RGSL1: variants seen among roughly 807,000 people sequenced by gnomAD.
RGSL1 encodes the protein regulator of G protein signaling like 1.
Under a neutral mutation model 124.7 loss-of-function variants are expected in RGSL1, and 97 were observed. The observed-to-expected ratio is 0.78, with a 90% confidence interval of 0.66 to 0.92. The LOEUF is 0.92. RGSL1 is among the 40% of genes least tolerant of loss of function. The pLI is 0.00. For synonymous variants in RGSL1, 424 were observed against 438.1 expected (o/e 0.97, Z 0.40); for missense variants, 1,233 against 1,288.4 (o/e 0.96, Z 0.66).
At chr1:182,554,927 AC>A (rs1170349705) in intron 20 of RGSL1, 1 of 530,738 alleles carries the variant, frequency 1.9e-6, no homozygotes, top group Non-Finnish European at 3.4e-6. Context: ...GGAGTCTCTG[AC>A]CCACTTTTCA....
chr1:182,544,052 G>C (rs1392817758), intron 15 of RGSL1, among the ~76,000 whole-genome samples: 1 of 151,716 alleles, frequency 6.6e-6, no homozygotes, highest in Non-Finnish European at 1.5e-5. Context: ...TTTGGGTTTG[G>C]TTTGTTCTTG....
At chr1:182,504,142 A>G (rs1264651513) in intron 9 of RGSL1, among the ~76,000 whole-genome samples, 1 of 151,780 alleles carries the variant, frequency 6.6e-6, no homozygotes, top group African/African-American at 2.4e-5. Flanking sequence ...CACCATGTGC[A>G]GCTAATTTTT....
intron 9 of RGSL1, among the ~76,000 whole-genome samples, chr1:182,508,450 C>T (rs1657014787): frequency 6.6e-6 from 1 of 151,554 alleles, no homozygotes; most frequent in Admixed American, 6.6e-5. Context: ...TAGGTGCCTG[C>T]CACCACACCC....
intron 9 of RGSL1, among the ~76,000 whole-genome samples, chr1:182,501,722 T>C (rs1656399354): frequency 6.6e-6 from 1 of 152,152 alleles, no homozygotes; most frequent in African/African-American, 2.4e-5. Context: ...ATAGCTTTCG[T>C]GGGTTGTCTT....
upstream of RGSL1, among the ~76,000 whole-genome samples, chr1:182,449,108 G>A (rs771668831): frequency 4.6e-5 from 7 of 152,162 alleles, no homozygotes; most frequent in Non-Finnish European, 1.0e-4. Flanking sequence ...ATGTGTGCAT[G>A]TTAAACTGAC....
intron 3 of RGSL1, among the ~76,000 whole-genome samples, chr1:182,458,836 A>G (rs745605269): frequency 6.6e-6 from 1 of 152,242 alleles, no homozygotes; most frequent in Non-Finnish European, 1.5e-5. Flanking sequence ...GAGGGTAACT[A>G]TAGGAGAAAC....
chr1:182,456,772 C>G (rs1022653348), intron 2 of RGSL1, among the ~76,000 whole-genome samples: 5 of 152,194 alleles, frequency 3.3e-5, no homozygotes, highest in Non-Finnish European at 7.3e-5. Context: ...AGTAGTAGTT[C>G]ATGTTGAATA....
chr1:182,460,276 G>T, intron 4 of RGSL1, 143 bp downstream of exon 4: 1 of 1,193,228 alleles, frequency 8.4e-7, no homozygotes, highest in East Asian at 2.6e-5. Flanking sequence ...ACTTCATAAT[G>T]ATCTTATGCC....
At chr1:182,465,835 A>G (rs1388875402) in intron 4 of RGSL1, among the ~76,000 whole-genome samples, 1 of 152,132 alleles carries the variant, frequency 6.6e-6, no homozygotes, top group Non-Finnish European at 1.5e-5. Context: ...TTACCCTGAT[A>G]CTAAAGCCAA....
intron 3 of RGSL1, among the ~76,000 whole-genome samples, chr1:182,458,700 T>G (rs1389404349): frequency 2.0e-5 from 3 of 152,060 alleles, no homozygotes; most frequent in Non-Finnish European, 2.9e-5. Flanking sequence ...CTTGAGCTAC[T>G]GAGCTCTAGC....
At chr1:182,504,507 T>A in intron 9 of RGSL1, among the ~76,000 whole-genome samples, 1 of 124,090 alleles carries the variant, frequency 8.1e-6, no homozygotes. Context: ...TTTGCATACC[T>A]CATAGTTTTT....
chr1:182,488,685 C>T (rs1655287578), intron 7 of RGSL1: 1 of 316,872 alleles, frequency 3.2e-6, no homozygotes, highest in Non-Finnish European at 5.6e-6. Flanking sequence ...GAGATCCCGC[C>T]ACTGCACTCC....
intron 9 of RGSL1, among the ~76,000 whole-genome samples, chr1:182,498,788 CTTTG>C (rs1558314034): frequency 1.0e-5 from 1 of 95,978 alleles, no homozygotes; most frequent in African/African-American, 4.1e-5. Context: ...TTTCTTTTTC[CTTTG>C]TTTGTTTGTT....
chr1:182,488,447 G>A, intron 7 of RGSL1, 100 bp downstream of exon 7: 3 of 1,190,126 alleles, frequency 2.5e-6, no homozygotes, highest in Non-Finnish European at 3.6e-6. Flanking sequence ...AAATGAAATT[G>A]TTATTTTTCC....
chr1:182,462,737 A>G (rs1255897619), intron 4 of RGSL1, among the ~76,000 whole-genome samples: 1 of 152,242 alleles, frequency 6.6e-6, no homozygotes, highest in Admixed American at 6.5e-5. Context: ...TCAAAGAAGC[A>G]AAGTTTTTGT....
Position 182,553,511 on chromosome 1 carries a change from C to T in RGSL1, c.3100C>T (p.Gln1034Ter). 6.4e-7 allele frequency: 1 copy of T among 1,551,994 alleles called. No homozygotes were observed. Among genetic ancestry groups the T allele is most frequent in the Non-Finnish European group, 8.7e-7 (1 of 1,147,040 alleles). The change falls in exon 19 of 22, where the codon CAA becomes TAA. Residue 1034 changes from glutamine to a stop codon, truncating the protein, a stop_gained. Transcript: ENST00000294854. LOFTEE classifies it high-confidence loss of function. ...CAGAGGTATTGAGTGGTTGCAGCCT[C>T]AACGGGAAGCAATAAGTTCAGTTCA... ...LLRGIEWLQP[Q>*]REAISSVQNS...
intron 8 of RGSL1, among the ~76,000 whole-genome samples, chr1:182,490,780 T>C (rs1655460033): frequency 2.0e-5 from 3 of 152,214 alleles, no homozygotes; most frequent in Non-Finnish European, 2.9e-5. Context: ...CCTCTATCAC[T>C]GCTTTTTTGG....
chr1:182,455,003 C>G (rs1225417327), intron 2 of RGSL1, among the ~76,000 whole-genome samples: 1 of 152,100 alleles, frequency 6.6e-6, no homozygotes, highest in Non-Finnish European at 1.5e-5. Flanking sequence ...TACTTTGTGC[C>G]AGCCCCTGGG....
intron 10 of RGSL1, among the ~76,000 whole-genome samples, chr1:182,525,370 A>G (rs1658664307): frequency 6.6e-6 from 1 of 152,198 alleles, no homozygotes; most frequent in Non-Finnish European, 1.5e-5. Flanking sequence ...CAAACTAAAG[A>G]AAATCATGTG....
Sources: gnomAD v4.1 joint callset for allele counts (sites outside exome capture counted in the v4.1 genomes callset) on GRCh38, gnomAD v4.1.1 for gene constraint, MANE v1.5 for transcripts, NCBI Gene and HGNC (gene_info 2026-07-23, HGNC 2026-07-21) for gene names.